Variants in MGAT4C observed in about 807,000 individuals in gnomAD.
MGAT4C encodes the protein alpha-1,3-mannosyl-glycoprotein 4-beta-N-acetylglucosaminyltransferase C.
MGAT4C carries 19 observed loss-of-function variants against 40.1 expected under a neutral mutation model. That is an observed-to-expected ratio of 0.47 (90% confidence interval 0.33 to 0.70). MGAT4C has a LOEUF of 0.70. Ranked by LOEUF, MGAT4C falls within the 30% of genes least tolerant of loss-of-function variation. The probability of loss-of-function intolerance (pLI) is 0.02; values close to 1 mark genes in which losing one functional copy is unlikely to be tolerated. For synonymous variants in MGAT4C, 181 were observed against 187.1 expected (o/e 0.97, Z 0.27); for missense variants, 491 against 563.2 (o/e 0.87, Z 1.30).
chr12:86,784,985 CT>C (rs1270919311), intron 1 of MGAT4C, among the ~76,000 whole-genome samples: 1 of 151,900 alleles, frequency 6.6e-6, no homozygotes, highest in Non-Finnish European at 1.5e-5. Flanking sequence ...AGATTTGGAC[CT>C]TCTGATCAAT....
intron 1 of MGAT4C, among the ~76,000 whole-genome samples, chr12:86,823,304 A>G (rs1411054938): frequency 6.6e-6 from 1 of 151,348 alleles, no homozygotes; most frequent in Non-Finnish European, 1.5e-5. Flanking sequence ...ATAGAAACGC[A>G]AAAGGTAGAA....
At chr12:86,441,153 G>T (rs1957219841) in intron 2 of MGAT4C, among the ~76,000 whole-genome samples, 1 of 151,780 alleles carries the variant, frequency 6.6e-6, no homozygotes, top group African/African-American at 2.4e-5. Flanking sequence ...AGCCTAAATA[G>T]CAAAAACAAT....
intron 2 of MGAT4C, among the ~76,000 whole-genome samples, chr12:86,524,180 G>T (rs770923877): frequency 3.3e-5 from 5 of 152,110 alleles, no homozygotes; most frequent in African/African-American, 1.2e-4. Context: ...TTGTTTTATC[G>T]TGTCACACGT....
intron 1 of MGAT4C, among the ~76,000 whole-genome samples, chr12:86,084,403 T>C (rs1176789793): frequency 2.0e-5 from 3 of 152,048 alleles, no homozygotes; most frequent in African/African-American, 7.2e-5. Flanking sequence ...AAGGAATACA[T>C]TTTAGGATGT....
chr12:86,481,797 T>A (rs1423291534), intron 2 of MGAT4C, among the ~76,000 whole-genome samples: 5 of 151,946 alleles, frequency 3.3e-5, no homozygotes, highest in South Asian at 2.1e-4. Flanking sequence ...TCACTTTTTT[T>A]AAAGAGATGG....
chr12:86,168,568 A>T (rs1886439618), intron 1 of MGAT4C, among the ~76,000 whole-genome samples: 1 of 152,200 alleles, frequency 6.6e-6, no homozygotes, highest in Non-Finnish European at 1.5e-5. Context: ...ACTGAAAGAA[A>T]TTAAAATAGG....
intron 1 of MGAT4C, among the ~76,000 whole-genome samples, chr12:86,788,091 A>G (rs1038122151): frequency 6.6e-6 from 1 of 151,510 alleles, no homozygotes; most frequent in African/African-American, 2.4e-5. Context: ...TCATGTATGT[A>G]TTTACTTATA....
chr12:86,050,151 A>T (rs1350394513), intron 1 of MGAT4C, among the ~76,000 whole-genome samples: 2 of 152,028 alleles, frequency 1.3e-5, no homozygotes, highest in African/African-American at 2.4e-5. Context: ...TTCACCAAAA[A>T]GGTGCACAGG....
chr12:86,828,561 A>T (rs1188276578), intron 1 of MGAT4C, among the ~76,000 whole-genome samples: 1 of 151,524 alleles, frequency 6.6e-6, no homozygotes, highest in Admixed American at 6.6e-5. Context: ...AGATTCTAGG[A>T]AAATGAGTAC....
intron 1 of MGAT4C, among the ~76,000 whole-genome samples, chr12:86,159,848 G>T (rs991791398): frequency 4.6e-5 from 7 of 151,866 alleles, no homozygotes; most frequent in Middle Eastern, 3.4e-3. Flanking sequence ...AGTATATTTG[G>T]GTTCTGAGGA....
At chr12:86,614,659 A>T (rs1235227361) in intron 2 of MGAT4C, among the ~76,000 whole-genome samples, 2 of 151,716 alleles carry the variant, frequency 1.3e-5, no homozygotes, top group Non-Finnish European at 2.9e-5. Flanking sequence ...ATATATATAT[A>T]TATGTTTAAA....
At chr12:86,151,577 C>T (rs920457638) in intron 1 of MGAT4C, among the ~76,000 whole-genome samples, 114 of 150,584 alleles carry the variant, frequency 7.6e-4, no homozygotes, top group Non-Finnish European at 2.4e-4. Context: ...GCCTGGGCAA[C>T]AGAGCGAGAC....
At chr12:86,440,709 C>A (rs989393491) in intron 2 of MGAT4C, among the ~76,000 whole-genome samples, 2 of 151,978 alleles carry the variant, frequency 1.3e-5, no homozygotes, top group African/African-American at 2.4e-5. Flanking sequence ...ATGATTTGAT[C>A]ATATACCTAG....
At chr12:86,326,470 G>C (rs1954531188) in intron 4 of MGAT4C, among the ~76,000 whole-genome samples, 1 of 151,222 alleles carries the variant, frequency 6.6e-6, no homozygotes, top group South Asian at 2.1e-4. Flanking sequence ...CTCAGTAAAG[G>C]TGAAAAAAGA....
intron 2 of MGAT4C, among the ~76,000 whole-genome samples, chr12:86,656,711 T>C (rs1260176019): frequency 6.6e-6 from 1 of 151,994 alleles, no homozygotes; most frequent in East Asian, 1.9e-4. Flanking sequence ...AACCTTGTGT[T>C]TTTTTTGTGG....
chr12:86,228,158 G>C (rs1951170763), intron 1 of MGAT4C, among the ~76,000 whole-genome samples: 1 of 151,538 alleles, frequency 6.6e-6, no homozygotes, highest in South Asian at 2.1e-4. Context: ...AGTTTTACTT[G>C]GAAACTACAT....
chr12:86,223,456 A>G lies in MGAT4C; in HGVS notation c.-57+32783T>C, dbSNP rs560474801. On this transcript the variant is annotated intron_variant, in intron 1 of 4. Coordinates refer to ENST00000611864, the MANE Select transcript of MGAT4C (RefSeq NM_001351288.2). The stretch of plus-strand genomic sequence containing the variant: ...GAGCAAATTCTACCACAGCTACTGC[A>G]GGCTACTGTGATACCAAGGCACCAA... 7.9e-4 allele frequency among the ~76,000 whole-genome samples: 121 copies of G among 152,296 alleles called. 1 individual carries two copies. The highest frequency in any genetic ancestry group is 1.5e-3 in the Non-Finnish European group (99 of 68,018).
chr12:86,474,942 C>T (rs1471726558), intron 2 of MGAT4C, among the ~76,000 whole-genome samples: 1 of 151,982 alleles, frequency 6.6e-6, no homozygotes, highest in African/African-American at 2.4e-5. Context: ...TATAAAAACA[C>T]ATGTAAACTG....
At chr12:86,153,868 C>T (rs777819216) in intron 1 of MGAT4C, among the ~76,000 whole-genome samples, 4 of 152,106 alleles carry the variant, frequency 2.6e-5, no homozygotes, top group Non-Finnish European at 5.9e-5. Flanking sequence ...TTCTTTACAG[C>T]AGTGTGAAAA....
Sources: gnomAD v4.1 joint callset for allele counts (sites outside exome capture counted in the v4.1 genomes callset) on GRCh38, gnomAD v4.1.1 for gene constraint, MANE v1.5 for transcripts, NCBI Gene and HGNC (gene_info 2026-07-23, HGNC 2026-07-21) for gene names.